The following PDE7A variants were observed in gnomAD, a reference collection of about 807,000 sequenced individuals.
PDE7A encodes phosphodiesterase 7A.
A neutral mutation model predicts 64.3 loss-of-function variants in PDE7A; 39 were observed. That is an observed-to-expected ratio of 0.61 (90% CI 0.47 to 0.79). PDE7A has a LOEUF of 0.79. Among genes scored for constraint, PDE7A ranks in the 30% least tolerant of loss-of-function variants. The pLI is 0.00. For missense variants in PDE7A, 470 were observed against 582.8 expected, an observed-to-expected ratio of 0.81 and a Z score of 1.99; for synonymous variants, 203 against 206.8, an observed-to-expected ratio of 0.98 and a Z score of 0.16.
At chr8:65,841,286 G>A (rs1351313115) in intron 1 of PDE7A, 85 bp downstream of exon 1, 1 of 1,354,606 alleles carries the variant, frequency 7.4e-7, no homozygotes, top group African/African-American at 1.5e-5. Flanking sequence ...GCGCGGGCTG[G>A]GGGTTGTAGA....
chr8:65,723,476 AT>A, intron 12 of PDE7A, 64 bp downstream of exon 12: 1 of 1,306,806 alleles, frequency 7.7e-7, no homozygotes, highest in Non-Finnish European at 1.0e-6. Flanking sequence ...TTTCAAATAT[AT>A]TTCCCTTCTT....
chr8:65,771,016 A>G, intron 3 of PDE7A: 1 of 368,032 alleles, frequency 2.7e-6, no homozygotes, highest in African/African-American at 2.2e-5. Flanking sequence ...AGATAAATTT[A>G]TAAGCCTTAA....
chr8:65,763,521 T>A (rs1808613711), intron 3 of PDE7A, among the ~76,000 whole-genome samples: 1 of 151,878 alleles, frequency 6.6e-6, no homozygotes, highest in East Asian at 1.9e-4. Flanking sequence ...GCCGAGATCA[T>A]GCCATTGCAC....
intron 1 of PDE7A, among the ~76,000 whole-genome samples, chr8:65,809,814 T>C (rs1365651971): frequency 6.6e-6 from 1 of 152,166 alleles, no homozygotes; most frequent in African/African-American, 2.4e-5. Flanking sequence ...CTCACACTAG[T>C]TAGAATGGTG....
rs1429605652 is a variant in PDE7A at position 65,717,875 on chromosome 8, A to C, written c.*1415T>G. On this transcript the variant is annotated 3_prime_UTR_variant, in exon 13 of 13. Coordinates refer to ENST00000401827, the MANE Select transcript of PDE7A (RefSeq NM_001242318.3). ...GGGAAATACAAATGAACTAAAAGAAAGCACCGGTTTCTCTTAAAACTAGAT... is the reference window on the plus strand; with the variant it reads ...GGGAAATACAAATGAACTAAAAGAACGCACCGGTTTCTCTTAAAACTAGAT... 4 of 152,246 alleles carry C rather than the reference A, an allele frequency of 2.6e-5. No individual in the cohort carries two copies. Among genetic ancestry groups the C allele is most frequent in the Non-Finnish European group, 5.9e-5 (4 of 68,042 alleles). 9.4% of individuals were successfully genotyped at this position (152,246 alleles called of 1,614,324 possible).
intron 1 of PDE7A, among the ~76,000 whole-genome samples, chr8:65,805,700 A>G (rs116625563): frequency 0.063 from 9,571 of 152,180 alleles, 377 homozygotes; most frequent in Middle Eastern, 0.11. Context: ...GGATAATGGT[A>G]CTGTGGATTC....
chr8:65,728,500 ATAAT>A (rs1046640375), intron 7 of PDE7A: 1 of 152,192 alleles, frequency 6.6e-6, no homozygotes, highest in African/African-American at 2.4e-5. Flanking sequence ...TGTATCGCAT[ATAAT>A]TAGTACACGG....
chr8:65,752,617 A>T (rs555159989), intron 3 of PDE7A, among the ~76,000 whole-genome samples: 8 of 152,298 alleles, frequency 5.3e-5, no homozygotes, highest in Non-Finnish European at 1.2e-4. Context: ...CTTTACTAAG[A>T]TATATCTCAT....
intron 1 of PDE7A, among the ~76,000 whole-genome samples, chr8:65,826,505 T>C (rs1433520056): frequency 1.3e-5 from 2 of 152,206 alleles, no homozygotes; most frequent in African/African-American, 2.4e-5. Flanking sequence ...TATAACATTC[T>C]AGTGAAAACA....
intron 3 of PDE7A, among the ~76,000 whole-genome samples, chr8:65,771,970 G>C (rs1809108248): frequency 1.3e-5 from 2 of 149,646 alleles, no homozygotes; most frequent in African/African-American, 2.5e-5. Context: ...GAGAATACCA[G>C]AACAACCTCA....
chr8:65,776,643 T>C (rs1249089875), intron 3 of PDE7A, among the ~76,000 whole-genome samples: 1 of 152,218 alleles, frequency 6.6e-6, no homozygotes, highest in Non-Finnish European at 1.5e-5. Flanking sequence ...TATCCCTACA[T>C]ATTTGATGTT....
chr8:65,828,057 T>A (rs1039727314), intron 1 of PDE7A, among the ~76,000 whole-genome samples: 2 of 152,128 alleles, frequency 1.3e-5, no homozygotes, highest in African/African-American at 2.4e-5. Context: ...AAATTCCACT[T>A]ATATGATACT....
At chr8:65,794,907 C>T (rs554399472) in intron 1 of PDE7A, among the ~76,000 whole-genome samples, 11 of 152,208 alleles carry the variant, frequency 7.2e-5, no homozygotes, top group African/African-American at 2.6e-4. Context: ...TTGTTAACAT[C>T]AAAGAAGACT....
intron 1 of PDE7A, among the ~76,000 whole-genome samples, chr8:65,786,302 T>A (rs1434806392): frequency 2.6e-5 from 4 of 152,170 alleles, no homozygotes; most frequent in African/African-American, 9.6e-5. Flanking sequence ...AGACCAAAAC[T>A]GTTTTTAAAG....
intron 9 of PDE7A, chr8:65,725,465 C>T (rs1806572249): frequency 6.5e-6 from 1 of 154,220 alleles, no homozygotes; most frequent in Non-Finnish European, 1.5e-5. Context: ...AACTCAAGAA[C>T]CAATCAGTTA....
At chr8:65,817,808 A>G (rs1810448804) in intron 1 of PDE7A, among the ~76,000 whole-genome samples, 1 of 146,308 alleles carries the variant, frequency 6.8e-6, no homozygotes, top group Non-Finnish European at 1.5e-5. Context: ...GCTGGAGTGC[A>G]GCGGCGCTAT....
At chr8:65,737,012 G>A (rs1012134537) in intron 6 of PDE7A, among the ~76,000 whole-genome samples, 3 of 151,186 alleles carry the variant, frequency 2.0e-5, no homozygotes, top group Non-Finnish European at 4.4e-5. Context: ...CCTGGATGAG[G>A]TGGGAGGCTG....
chr8:65,773,047 T>C (rs946340464), intron 3 of PDE7A, among the ~76,000 whole-genome samples: 2 of 152,056 alleles, frequency 1.3e-5, no homozygotes, highest in Admixed American at 6.6e-5. Flanking sequence ...AGCTAACTCC[T>C]GCAGAGAACA....
chr8:65,822,834 C>T (rs920860678), intron 1 of PDE7A, among the ~76,000 whole-genome samples: 2 of 152,098 alleles, frequency 1.3e-5, no homozygotes, highest in African/African-American at 4.8e-5. Flanking sequence ...ACAGGCTCCC[C>T]CACTCCCATT....
Sources: allele counts gnomAD v4.1 joint callset (sites outside exome capture counted in the v4.1 genomes callset), GRCh38; gene constraint gnomAD v4.1.1; transcripts MANE v1.5; gene names NCBI Gene and HGNC (gene_info 2026-07-23, HGNC 2026-07-21).